The following KATNIP variants were observed in gnomAD, a reference collection of about 807,000 sequenced individuals.
KATNIP encodes the protein katanin interacting protein, also known as katanin-interacting protein.
In KATNIP, 126 loss-of-function variants were observed where a neutral mutation model predicts 174.0. The ratio of observed to expected loss-of-function variants is 0.72; its 90% confidence interval spans 0.63 to 0.84. The LOEUF is 0.84. Ranked by LOEUF, KATNIP falls within the 40% of genes least tolerant of loss-of-function variation. The pLI is 0.00. For synonymous variants in KATNIP, 810 were observed against 835.7 expected (o/e 0.97, Z 0.53); for missense variants, 1,958 against 2,109.7 (o/e 0.93, Z 1.41).
chr16:27,732,832 C>G (rs1183204779), intron 14 of KATNIP, among the ~76,000 whole-genome samples: 1 of 152,216 alleles, frequency 6.6e-6, no homozygotes, highest in East Asian at 1.9e-4. Flanking sequence ...GCCAGCACTT[C>G]CGGGCAAAGA....
intron 8 of KATNIP, among the ~76,000 whole-genome samples, chr16:27,689,405 C>T (rs1317677796): frequency 6.6e-6 from 1 of 150,420 alleles, no homozygotes; most frequent in African/African-American, 2.5e-5. Flanking sequence ...AGTGAGACTC[C>T]GTCTAAAAAA....
In KATNIP at chr16:27,550,175, A is replaced by T. The variant is rs1179782032; in HGVS notation, c.5A>T (p.Asp2Val). M[D>V]GQTLRKAERS... ...CCGGAACCGCCGCCTCTAGGGATGG[A>T]CGGTGAGTGTCTGTGGGCCCCTCCG... The change falls in exon 1 of 28, where the codon GAC becomes GTC. Residue 2 changes from aspartate (D) to valine (V), a missense_variant and splice_region_variant. Around this residue, in one of 3 missense-constraint regions of KATNIP, gnomAD observed 1,557 missense variants for 1,617.8 expected, o/e 0.96. Transcript: ENST00000261588. The T allele has an allele frequency of 1.2e-6, 2 of 1,611,956 alleles. No homozygotes were observed. The highest frequency in any genetic ancestry group is 2.2e-5 in the South Asian group (2 of 90,946).
rs776163877 is a variant in KATNIP at position 27,777,759 on chromosome 16, C to T, written c.4701C>T (p.His1567=). The change falls in exon 26 of 28, where the codon CAC becomes CAT. Residue 1567 remains histidine (H), a synonymous_variant. Coordinates refer to ENST00000261588, the MANE Select transcript of KATNIP (RefSeq NM_015202.5). This position sits in a 1 kb window ranked among gnomAD's most constrained non-coding sequence, Gnocchi z 4.4. ...EDRDIRHQEK[H]TTISNQAEDQ... ...GGGACATCCGCCACCAGGAGAAACA[C>T]ACCACCATCAGGTAGGGCCCCAGCC... 2 of 1,613,686 alleles carry T rather than the reference C, an allele frequency of 1.2e-6. No individual in the cohort carries two copies. The highest frequency in any genetic ancestry group is 1.7e-6 in the Non-Finnish European group (2 of 1,179,776).
intron 6 of KATNIP, chr16:27,654,879 C>CAA: frequency 1.5e-6 from 1 of 648,438 alleles, no homozygotes; most frequent in Non-Finnish European, 2.3e-6. Flanking sequence ...CCTGTAATCC[C>CAA]AGCACTTTGG....
chr16:27,644,358 C>G (rs2076896449), intron 5 of KATNIP: 1 of 152,096 alleles, frequency 6.6e-6, no homozygotes, highest in Admixed American at 6.6e-5. Flanking sequence ...CCCAGCCCCT[C>G]TTAGCTCCAG....
At chr16:27,698,131 G>T (rs761118074) in intron 8 of KATNIP, among the ~76,000 whole-genome samples, 197 bp from the exon 9 acceptor site, 1 of 152,036 alleles carries the variant, frequency 6.6e-6, no homozygotes, top group African/African-American at 2.4e-5. Context: ...TCCCCCCAGG[G>T]CCACCACTGC....
intron 23 of KATNIP, among the ~76,000 whole-genome samples, chr16:27,773,859 G>A (rs921119755): frequency 2.6e-5 from 4 of 151,920 alleles, no homozygotes; most frequent in Admixed American, 1.3e-4. Flanking sequence ...ACCAGGCCCC[G>A]AAACTCACTG....
intron 8 of KATNIP, among the ~76,000 whole-genome samples, chr16:27,692,850 TCA>T: frequency 6.6e-6 from 1 of 152,290 alleles, no homozygotes; most frequent in East Asian, 1.9e-4. Flanking sequence ...AGCATCTCAC[TCA>T]ACCAAAGAAG....
rs3056269 is a variant in KATNIP at position 27,572,362 on chromosome 16, A to AACACACACACACACAC, written c.8-1517_8-1502dup. On this transcript the variant is annotated intron_variant, in intron 1 of 27. Coordinates refer to ENST00000261588, the MANE Select transcript of KATNIP (RefSeq NM_015202.5). ...TTCTTTGTCTTAAGGCAAAAAAGAA[A>AACACACACACACACAC]ACACACACACACACACACACACACA... is the stretch of plus-strand genomic sequence containing the variant. Among the ~76,000 whole-genome samples, 499 of 138,134 alleles carry AACACACACACACACAC rather than the reference A, an allele frequency of 3.6e-3. 5 individuals carry two copies. The highest frequency in any genetic ancestry group is 4.0e-3 in the Non-Finnish European group (262 of 64,904). The allele number at this position is 138,134 out of a possible 152,430, so 90.6% of individuals were successfully genotyped here.
At chr16:27,656,419 GAAA>G (rs927275425) in intron 6 of KATNIP, among the ~76,000 whole-genome samples, 3 of 34,444 alleles carry the variant, frequency 8.7e-5, no homozygotes, top group East Asian at 1.6e-3. Flanking sequence ...CTCTGTCTCA[GAAA>G]AAAAAAAAAA....
At chr16:27,607,230 G>C (rs954079492) in intron 2 of KATNIP, among the ~76,000 whole-genome samples, 1 of 152,160 alleles carries the variant, frequency 6.6e-6, no homozygotes, top group Admixed American at 6.6e-5. Context: ...AAATCAAGGT[G>C]TTATACCCAG....
intron 1 of KATNIP, among the ~76,000 whole-genome samples, chr16:27,572,275 A>G (rs889751538): frequency 9.2e-5 from 14 of 151,490 alleles, no homozygotes; most frequent in African/African-American, 3.4e-4. Flanking sequence ...TTTTTTTTTA[A>G]AGAACACCCT....
chr16:27,653,830 TG>T (rs2077187615), intron 6 of KATNIP, among the ~76,000 whole-genome samples: 1 of 152,012 alleles, frequency 6.6e-6, no homozygotes. Context: ...AGCTAATTGT[TG>T]GGGAGTTTTT....
At chr16:27,714,376 T>G (rs2079832041) in intron 13 of KATNIP, among the ~76,000 whole-genome samples, 1 of 152,242 alleles carries the variant, frequency 6.6e-6, no homozygotes, top group Admixed American at 6.5e-5. Context: ...TTTTGTTTTT[T>G]TAAACAGAAA....
Position 27,699,578 on chromosome 16 carries a change from G to A in KATNIP, c.1158G>A (p.Glu386=), listed in dbSNP as rs1472264795. ...PPAKPWTSLL[E]EKEETLELLP... is the part of the protein sequence containing the mutation. ...CAAAACCATGGACCAGTCTGCTGGA[G>A]GAGAAGGAAGAGACCCTTGAGGTCA... The change falls in exon 10 of 28, where the codon GAG becomes GAA. Residue 386 remains glutamate (E), a synonymous_variant. Coordinates refer to ENST00000261588, the MANE Select transcript of KATNIP (RefSeq NM_015202.5). 4 of 1,614,200 alleles carry A rather than the reference G, an allele frequency of 2.5e-6. No homozygotes were observed. Among genetic ancestry groups the A allele is most frequent in the Non-Finnish European group, 3.4e-6 (4 of 1,180,026 alleles).
At chr16:27,693,554 A>T (rs1395070026) in intron 8 of KATNIP, among the ~76,000 whole-genome samples, 1 of 151,568 alleles carries the variant, frequency 6.6e-6, no homozygotes, top group African/African-American at 2.4e-5. Flanking sequence ...ATGCCTGGCT[A>T]ATTTTTGTAT....
chr16:27,619,173 C>T (rs924334803), intron 3 of KATNIP, among the ~76,000 whole-genome samples: 1 of 152,110 alleles, frequency 6.6e-6, no homozygotes. Context: ...CTGGGAGTGG[C>T]CAGGCAGTGA....
At position 27,655,985 on chromosome 16, in the gene KATNIP, C is replaced by G. The variant is rs549126459; in HGVS notation, c.540+7250C>G. Among the ~76,000 whole-genome samples the G allele has an allele frequency of 4.6e-5, 7 of 152,284 alleles. No individual in the cohort carries two copies. In the South Asian group the frequency reaches 1.4e-3, roughly 32 times the overall value. ...GTTTTAAACAATGATAGAGAGAACT[C>G]TCCTTAGCCAAATATCTCCTCAGTG... On this transcript the variant is annotated intron_variant, in intron 6 of 27. Transcript: ENST00000261588.
chr16:27,676,853 G>A (rs2078135896), intron 6 of KATNIP, among the ~76,000 whole-genome samples: 1 of 152,068 alleles, frequency 6.6e-6, no homozygotes, highest in South Asian at 2.1e-4. Flanking sequence ...TTTATTTTTT[G>A]TAGAGACAGG....
Sources: allele counts gnomAD v4.1 joint callset (sites outside exome capture counted in the v4.1 genomes callset), GRCh38; gene constraint gnomAD v4.1.1; regional missense constraint gnomAD v4.1.1; non-coding constraint Gnocchi (gnomAD v3.1); transcripts MANE v1.5; gene names NCBI Gene and HGNC (gene_info 2026-07-23, HGNC 2026-07-21).